Variants in PRKG1 observed in about 807,000 individuals in gnomAD.
PRKG1 encodes the protein protein kinase cGMP-dependent 1.
Under a neutral mutation model 88.1 loss-of-function variants are expected in PRKG1, and 35 were observed. The ratio of observed to expected loss-of-function variants is 0.40; its 90% confidence interval spans 0.30 to 0.53. The LOEUF (loss-of-function observed/expected upper bound fraction) is 0.53, where lower values mean the gene tolerates loss of function less well. Ranked by LOEUF, PRKG1 falls within the 20% of genes least tolerant of loss-of-function variation. The pLI is 0.59. For synonymous variants in PRKG1, 303 were observed against 292.5 expected (o/e 1.04, Z -0.37); for missense variants, 540 against 839.8 (o/e 0.64, Z 4.41).
In PRKG1 at chr10:52,251,864, AAAAAT is replaced by A. The variant is rs1841181061; in HGVS notation, c.1173+206_1173+210del. 12 of 486,348 alleles carry A rather than the reference AAAAAT, an allele frequency of 2.5e-5. No homozygotes were observed. The South Asian group carries it at 3.6e-4, about 15-fold the overall frequency. 30.1% of individuals were successfully genotyped at this position (486,348 alleles called of 1,614,324 possible). On this transcript the variant is annotated intron_variant, in intron 10 of 17. Transcript: ENST00000373980. ...GGGCTAAATTATGCAGTCAACGACTAAAAATAAAATAACACCTTGCTTTTTAGAAA... is the reference window on the plus strand; with the variant it reads ...GGGCTAAATTATGCAGTCAACGACTAAAAATAACACCTTGCTTTTTAGAAA...
chr10:51,845,750 G>A (rs1183390643), intron 4 of PRKG1, among the ~76,000 whole-genome samples: 4 of 151,988 alleles, frequency 2.6e-5, no homozygotes, highest in Non-Finnish European at 4.4e-5. Flanking sequence ...TACCACATGT[G>A]TAAACTAGCT....
At chr10:52,199,665 A>G (rs1839607422) in intron 9 of PRKG1, among the ~76,000 whole-genome samples, 1 of 152,156 alleles carries the variant, frequency 6.6e-6, no homozygotes, top group Non-Finnish European at 1.5e-5. Flanking sequence ...CGAATTTCCC[A>G]ACCCAAAGCC....
At chr10:51,904,560 A>G (rs1278688057) in intron 4 of PRKG1, among the ~76,000 whole-genome samples, 1 of 152,114 alleles carries the variant, frequency 6.6e-6, no homozygotes, top group East Asian at 1.9e-4. Context: ...CAGAATATAA[A>G]TCTTAGAATT....
At chr10:51,570,065 A>ATG (rs1564554467) in intron 3 of PRKG1, among the ~76,000 whole-genome samples, 1 of 145,048 alleles carries the variant, frequency 6.9e-6, no homozygotes, top group African/African-American at 2.7e-5. Flanking sequence ...ATATATATAT[A>ATG]TATGTGTGTG....
intron 9 of PRKG1, among the ~76,000 whole-genome samples, chr10:52,208,167 A>G (rs1355987002): frequency 2.6e-5 from 4 of 152,142 alleles, no homozygotes; most frequent in African/African-American, 9.7e-5. Context: ...CATAGTTATG[A>G]TCTTGTTATA....
intron 1 of PRKG1, among the ~76,000 whole-genome samples, chr10:51,134,298 C>T (rs1845639234): frequency 6.6e-6 from 1 of 152,144 alleles, no homozygotes; most frequent in Non-Finnish European, 1.5e-5. Context: ...TTCGTCATTA[C>T]TTCAGGCAAC....
chr10:52,053,694 C>T (rs149001977), intron 5 of PRKG1, among the ~76,000 whole-genome samples: 4 of 152,204 alleles, frequency 2.6e-5, no homozygotes, highest in African/African-American at 4.8e-5. Flanking sequence ...TTGTGGTGTC[C>T]GTGTCAGAAT....
intron 3 of PRKG1, among the ~76,000 whole-genome samples, chr10:51,575,771 A>G (rs1386952910): frequency 6.6e-6 from 1 of 151,920 alleles, no homozygotes; most frequent in Admixed American, 6.6e-5. Context: ...AACTTTGAGA[A>G]TGGAGCCATT....
At chr10:51,508,630 A>G (rs1157833726) in intron 3 of PRKG1, among the ~76,000 whole-genome samples, 1 of 152,172 alleles carries the variant, frequency 6.6e-6, no homozygotes, top group African/African-American at 2.4e-5. Flanking sequence ...ACAGACATAA[A>G]TTTTTCTCAT....
At chr10:51,552,448 G>A (rs1837162497) in intron 3 of PRKG1, among the ~76,000 whole-genome samples, 1 of 151,526 alleles carries the variant, frequency 6.6e-6, no homozygotes, top group African/African-American at 2.4e-5. Flanking sequence ...TTAAAGGTGA[G>A]TTCAGGCAGC....
At chr10:51,077,011 C>G (rs939908256) in intron 1 of PRKG1, among the ~76,000 whole-genome samples, 3 of 152,106 alleles carry the variant, frequency 2.0e-5, no homozygotes, top group Non-Finnish European at 2.9e-5. Context: ...GGAAAAACAT[C>G]TGTTCTTTTT....
At chr10:51,450,225 A>G (rs1453364770) in intron 2 of PRKG1, among the ~76,000 whole-genome samples, 1 of 152,062 alleles carries the variant, frequency 6.6e-6, no homozygotes, top group East Asian at 1.9e-4. Context: ...TGGTTAACAT[A>G]AACGTGTTAA....
chr10:51,068,145 G>T (rs1247551954), intron 1 of PRKG1, among the ~76,000 whole-genome samples: 1 of 152,022 alleles, frequency 6.6e-6, no homozygotes, highest in African/African-American at 2.4e-5. Context: ...TGCTTTACTA[G>T]CCTACTATTT....
chr10:51,486,462 T>C (rs1162670441), intron 3 of PRKG1, among the ~76,000 whole-genome samples: 3 of 152,192 alleles, frequency 2.0e-5, no homozygotes, highest in Non-Finnish European at 2.9e-5. Flanking sequence ...ATACAACTTT[T>C]AGTATGTCAG....
intron 4 of PRKG1, among the ~76,000 whole-genome samples, chr10:51,902,860 A>G (rs2132936552): frequency 6.6e-6 from 1 of 152,306 alleles, no homozygotes; most frequent in Middle Eastern, 3.4e-3. Flanking sequence ...TAAGTGAAAA[A>G]GGCAAACTCC....
At chr10:51,184,552 T>C (rs1266090195) in intron 2 of PRKG1, among the ~76,000 whole-genome samples, 4 of 152,168 alleles carry the variant, frequency 2.6e-5, no homozygotes, top group African/African-American at 2.4e-5. Context: ...TCTATATAAG[T>C]TGTTGCCTTT....
chr10:52,115,360 T>G (rs1422255143), intron 7 of PRKG1, among the ~76,000 whole-genome samples: 2 of 152,118 alleles, frequency 1.3e-5, no homozygotes. Context: ...CATTTAGAAT[T>G]TTTTCTGTCG....
intron 3 of PRKG1, among the ~76,000 whole-genome samples, chr10:51,637,607 T>A (rs955290848): frequency 6.6e-6 from 1 of 152,222 alleles, no homozygotes; most frequent in Non-Finnish European, 1.5e-5. Flanking sequence ...AACGAGATTA[T>A]GTCCTCTGAA....
At chr10:51,058,966 G>A (rs1445305171) in intron 1 of PRKG1, among the ~76,000 whole-genome samples, 1 of 152,116 alleles carries the variant, frequency 6.6e-6, no homozygotes, top group African/African-American at 2.4e-5. Flanking sequence ...TATGTATGTA[G>A]GTTTATTTCG....
Sources: allele counts gnomAD v4.1 joint callset (sites outside exome capture counted in the v4.1 genomes callset), GRCh38; gene constraint gnomAD v4.1.1; transcripts MANE v1.5; gene names NCBI Gene and HGNC (gene_info 2026-07-23, HGNC 2026-07-21).